The following ATP8A2 variants were observed in gnomAD, a reference collection of about 807,000 sequenced individuals.
ATP8A2 encodes phospholipid-transporting ATPase IB.
Under a neutral mutation model 165.6 loss-of-function variants are expected in ATP8A2, and 100 were observed. The observed-to-expected ratio is 0.60, with a 90% CI of 0.51 to 0.71. The LOEUF (loss-of-function observed/expected upper bound fraction) is 0.71, where lower values mean the gene tolerates loss of function less well. Ranked by LOEUF, ATP8A2 falls within the 30% of genes least tolerant of loss-of-function variation. ATP8A2 has a pLI of 0.00. For synonymous variants in ATP8A2, 543 were observed against 548.8 expected (o/e 0.99, Z 0.15); for missense variants, 1,227 against 1,479.5 (o/e 0.83, Z 2.80).
chr13:25,722,955 A>G (rs3132360), intron 25 of ATP8A2, among the ~76,000 whole-genome samples: 116,236 of 152,170 alleles, frequency 0.76, 44,832 homozygotes, highest in Middle Eastern at 0.81. Context: ...CTGCATTATG[A>G]GTTATTTTGT....
chr13:25,454,227 T>C (rs1366847754), intron 1 of ATP8A2, among the ~76,000 whole-genome samples: 1 of 152,174 alleles, frequency 6.6e-6, no homozygotes. Context: ...TGTACTTTAC[T>C]TGCTTTGCCA....
chr13:25,501,682 T>C (rs1396714678), intron 2 of ATP8A2, among the ~76,000 whole-genome samples: 1 of 152,232 alleles, frequency 6.6e-6, no homozygotes, highest in Non-Finnish European at 1.5e-5. Context: ...TCTTCTGTTA[T>C]TTATAATCAA....
chr13:25,434,980 G>A (rs1185797275), intron 1 of ATP8A2, among the ~76,000 whole-genome samples: 1 of 152,132 alleles, frequency 6.6e-6, no homozygotes, highest in Non-Finnish European at 1.5e-5. Flanking sequence ...CCATGGAAGT[G>A]CTTCAGGCCC....
chr13:25,585,362 G>A (rs1466752328), intron 23 of ATP8A2, among the ~76,000 whole-genome samples: 2 of 152,150 alleles, frequency 1.3e-5, no homozygotes, highest in Admixed American at 1.3e-4. Flanking sequence ...AAATAGTTAT[G>A]CAATAGATGT....
At chr13:25,463,293 G>T (rs1415312235) in intron 1 of ATP8A2, among the ~76,000 whole-genome samples, 1 of 152,012 alleles carries the variant, frequency 6.6e-6, no homozygotes, top group Admixed American at 6.6e-5. Context: ...CAATGAAACA[G>T]TAATAATTTG....
At chr13:25,851,144 T>C (rs1159137320) in intron 30 of ATP8A2, among the ~76,000 whole-genome samples, 1 of 152,240 alleles carries the variant, frequency 6.6e-6, no homozygotes, top group Non-Finnish European at 1.5e-5. Flanking sequence ...AAAACTAAAA[T>C]GCAATGCTGA....
chr13:25,983,116 TC>T (rs1411127930), intron 35 of ATP8A2, among the ~76,000 whole-genome samples: 1 of 152,228 alleles, frequency 6.6e-6, no homozygotes, highest in Non-Finnish European at 1.5e-5. Flanking sequence ...ACTTATGACA[TC>T]ATTAGCAATG....
chr13:25,411,257 C>T (rs982454352), intron 1 of ATP8A2, among the ~76,000 whole-genome samples: 1 of 152,194 alleles, frequency 6.6e-6, no homozygotes, highest in Non-Finnish European at 1.5e-5. Context: ...TGCTGCAGCT[C>T]ATGCTTTGTC....
chr13:25,695,506 A>C (rs2042816189), intron 24 of ATP8A2, among the ~76,000 whole-genome samples: 1 of 152,204 alleles, frequency 6.6e-6, no homozygotes, highest in Non-Finnish European at 1.5e-5. Context: ...CCACAGTAGA[A>C]CTTCCTTCAA....
At chr13:25,762,296 A>AAAAAAAAAAAAT (rs2044397987) in intron 25 of ATP8A2, among the ~76,000 whole-genome samples, 2 of 149,198 alleles carry the variant, frequency 1.3e-5, no homozygotes, top group African/African-American at 2.5e-5. Flanking sequence ...AAAAAAAAAA[A>AAAAAAAAAAAAT]GCTGTCCCAG....
chr13:25,631,736 C>T (rs2041244923), intron 24 of ATP8A2, among the ~76,000 whole-genome samples: 2 of 152,034 alleles, frequency 1.3e-5, no homozygotes, highest in African/African-American at 2.4e-5. Flanking sequence ...TTCAAAATGC[C>T]ACCACCACCA....
intron 27 of ATP8A2, among the ~76,000 whole-genome samples, chr13:25,794,667 A>G (rs1239007472): frequency 6.6e-6 from 1 of 152,128 alleles, no homozygotes; most frequent in East Asian, 1.9e-4. Flanking sequence ...AGGATGAATA[A>G]TTATTGTATG....
intron 33 of ATP8A2, among the ~76,000 whole-genome samples, chr13:25,912,380 A>G (rs1954138844): frequency 6.6e-6 from 1 of 152,208 alleles, no homozygotes; most frequent in Admixed American, 6.5e-5. Context: ...GGAGGTTATC[A>G]GAGGCTGGGG....
intron 1 of ATP8A2, among the ~76,000 whole-genome samples, chr13:25,421,133 A>C (rs9511794): frequency 6.6e-6 from 1 of 151,710 alleles, no homozygotes; most frequent in Non-Finnish European, 1.5e-5. Flanking sequence ...TCACTTTGAC[A>C]TAGAAAGCAC....
intron 24 of ATP8A2, among the ~76,000 whole-genome samples, chr13:25,685,419 G>A (rs1188860667): frequency 2.0e-5 from 3 of 152,208 alleles, no homozygotes; most frequent in African/African-American, 7.2e-5. Context: ...AGTCAGCCAG[G>A]AAATCCTGGC....
intron 24 of ATP8A2, among the ~76,000 whole-genome samples, chr13:25,674,259 G>T (rs541789251): frequency 1.1e-4 from 16 of 149,774 alleles, no homozygotes; most frequent in Admixed American, 9.9e-4. Flanking sequence ...TGAGGGTCCA[G>T]ATGTGTCCCC....
intron 27 of ATP8A2, among the ~76,000 whole-genome samples, chr13:25,775,511 C>T (rs531431714): frequency 6.6e-5 from 10 of 152,254 alleles, no homozygotes; most frequent in Admixed American, 1.3e-4. Context: ...ACAGCAAGGT[C>T]ATTGACAATA....
chr13:25,413,079 A>G (rs909053232), intron 1 of ATP8A2, among the ~76,000 whole-genome samples: 1 of 152,036 alleles, frequency 6.6e-6, no homozygotes, highest in African/African-American at 2.4e-5. Context: ...CGATCTCCCA[A>G]AGTGCTGGGA....
In ATP8A2 at chr13:25,880,762, A is replaced by G; in HGVS notation, c.3183+18354A>G. On this transcript the variant is annotated intron_variant, in intron 33 of 36. Coordinates refer to ENST00000381655, the MANE Select transcript of ATP8A2 (RefSeq NM_016529.6). ...CCTATCCCTTCATGCCCCCAAAGCT[A>G]TTCAGCATAAGTTAATCTTTTCAAC... is the stretch of plus-strand genomic sequence containing the variant. The G allele has an allele frequency of 1.1e-5, 4 of 367,446 alleles. No individual in the cohort carries two copies. In the Admixed American group the frequency reaches 1.3e-4, roughly 12 times the overall value. The allele number at this position is 367,446 out of a possible 1,614,324, so 22.8% of individuals were successfully genotyped here.
Sources: allele counts gnomAD v4.1 joint callset (sites outside exome capture counted in the v4.1 genomes callset), GRCh38; gene constraint gnomAD v4.1.1; transcripts MANE v1.5; gene names NCBI Gene and HGNC (gene_info 2026-07-23, HGNC 2026-07-21).